The following TAF1 variants were observed in gnomAD, a reference collection of about 807,000 sequenced individuals.
The protein encoded by TAF1 is TATA-box binding protein associated factor 1.
A neutral mutation model predicts 138.5 loss-of-function variants in TAF1; 2 were observed. The ratio of observed to expected loss-of-function variants is 0.01; its 90% CI spans 0.01 to 0.05. TAF1 has a LOEUF of 0.05. Ranked by LOEUF, TAF1 falls within the 10% of genes least tolerant of loss-of-function variation. The pLI is 1.00. For missense variants in TAF1, 709 were observed against 1,478.0 expected, an observed-to-expected ratio of 0.48 and a Z score of 8.53; for synonymous variants, 437 against 503.2, an observed-to-expected ratio of 0.87 and a Z score of 1.76.
chrX:71,378,083 G>A, intron 6 of TAF1, 152 bp from the exon 7 acceptor site: 1 of 619,385 alleles, frequency 1.6e-6, no homozygotes, highest in South Asian at 3.0e-5. Flanking sequence ...TAGGTGGAAT[G>A]TGCTATGATA....
At chrX:71,410,605 C>T (rs1329419575) in intron 28 of TAF1, among the ~76,000 whole-genome samples, 1 of 108,414 alleles carries the variant, frequency 9.2e-6, no homozygotes, top group Admixed American at 9.9e-5. Context: ...CTACAGGCGC[C>T]AGCCACCACG....
intron 34 of TAF1, among the ~76,000 whole-genome samples, chrX:71,456,641 T>C (rs2038293044): frequency 1.1e-5 from 1 of 89,390 alleles, no homozygotes; most frequent in Non-Finnish European, 2.2e-5. Context: ...TGGTCAATAA[T>C]GTATTTTCTT....
intron 29 of TAF1, among the ~76,000 whole-genome samples, chrX:71,422,747 TA>T (rs1025930254): frequency 5.4e-5 from 6 of 111,362 alleles, no homozygotes; most frequent in Non-Finnish European, 1.1e-4. Flanking sequence ...TTTATTTATT[TA>T]TTTTTTTTGA....
At chrX:71,460,527 GATGTGT>G in intron 36 of TAF1, 93 bp from the exon 37 acceptor site, 1 of 984,362 alleles carries the variant, frequency 1.0e-6, no homozygotes, top group Non-Finnish European at 1.4e-6. Flanking sequence ...TACCTGTGTA[GATGTGT>G]GAGAGTTACT....
At chrX:71,399,916 G>C (rs2035083350) in intron 24 of TAF1, among the ~76,000 whole-genome samples, 1 of 106,926 alleles carries the variant, frequency 9.4e-6, no homozygotes, top group Non-Finnish European at 1.9e-5. Flanking sequence ...ATTTTTAGTA[G>C]AGATGGGGTT....
chrX:71,509,148 A>G (rs1602883671), intron 13 of TAF1, among the ~76,000 whole-genome samples: 1 of 111,450 alleles, frequency 9.0e-6, no homozygotes, highest in African/African-American at 3.3e-5. Context: ...CAAACTAGGA[A>G]GTGGCAAGTC....
At chrX:71,518,757 G>A (rs1242624155) in intron 13 of TAF1, among the ~76,000 whole-genome samples, 14 of 94,859 alleles carry the variant, frequency 1.5e-4, no homozygotes, top group East Asian at 6.7e-4. Context: ...GTGCAGTGGC[G>A]CAATCTCGGC....
intron 5 of TAF1, 74 bp downstream of exon 5, chrX:71,377,265 C>T: frequency 1.7e-6 from 2 of 1,176,575 alleles, no homozygotes; most frequent in Non-Finnish European, 2.3e-6. Context: ...TGTTAAGATG[C>T]TGAGTATGGA....
chrX:71,424,458 A>G (rs1225959172), intron 32 of TAF1, among the ~76,000 whole-genome samples: 15 of 36,142 alleles, frequency 4.2e-4, no homozygotes, highest in African/African-American at 1.8e-3. Context: ...ACAGGGTTTT[A>G]CTATTTTGCC....
chrX:71,369,684 C>A (rs751491134), intron 3 of TAF1, among the ~76,000 whole-genome samples: 1 of 105,947 alleles, frequency 9.4e-6, no homozygotes, highest in Non-Finnish European at 1.9e-5. Flanking sequence ...TGGCTCACTG[C>A]AAGCTCTGCC....
chrX:71,398,995 A>G (rs1339098069), intron 24 of TAF1, among the ~76,000 whole-genome samples: 3 of 111,271 alleles, frequency 2.7e-5, no homozygotes, highest in African/African-American at 9.8e-5. Context: ...GCTGGAGTGC[A>G]CTGGCATGAT....
chrX:71,499,983 T>A (rs2039467851), intron 13 of TAF1, among the ~76,000 whole-genome samples: 1 of 111,463 alleles, frequency 9.0e-6, no homozygotes, highest in African/African-American at 3.3e-5. Context: ...AGGGGATATG[T>A]ACCCGGGTTG....
chrX:71,435,039 CTGAGCTAGTCA>C (rs1471461939), intron 32 of TAF1, among the ~76,000 whole-genome samples: 1 of 112,440 alleles, frequency 8.9e-6, no homozygotes, highest in African/African-American at 3.2e-5. Flanking sequence ...ATAGGTGATG[CTGAGCTAGTCA>C]TGATGAGATT....
chrX:71,378,811 C>T lies in TAF1; in HGVS notation c.1153-13C>T, dbSNP rs1295565768. On this transcript the variant is annotated splice_polypyrimidine_tract_variant and intron_variant, in intron 7 of 37. Coordinates refer to ENST00000423759, the MANE Select transcript of TAF1 (RefSeq NM_004606.5). ...CCAATCAAGGATGTGTTTTTTCTTCCCTACTTACACAGGAATTTAGGAAAC... is the reference window on the plus strand; with the variant it reads ...CCAATCAAGGATGTGTTTTTTCTTCTCTACTTACACAGGAATTTAGGAAAC... 3 of 1,206,983 alleles carry T rather than the reference C, an allele frequency of 2.5e-6. No homozygotes were observed. Among genetic ancestry groups the T allele is most frequent in the Non-Finnish European group, 3.4e-6 (3 of 892,673 alleles).
intron 13 of TAF1, among the ~76,000 whole-genome samples, chrX:71,503,324 G>GTGTATATATATATATA (rs2039555518): frequency 2.2e-5 from 2 of 92,774 alleles, no homozygotes; most frequent in African/African-American, 8.9e-5. Flanking sequence ...ATATATATGT[G>GTGTATATATATATATA]TGTGTATATA....
At position 71,375,153 on chromosome X, in the gene TAF1, C is replaced by A. The variant is rs1442754308; in HGVS notation, c.353-14C>A. On this transcript the variant is annotated splice_polypyrimidine_tract_variant and intron_variant, in intron 3 of 37. Transcript: ENST00000423759. The stretch of plus-strand genomic sequence containing the variant: ...TTTTGGATATTGAGGAGATCACCTT[C>A]TTGGTTTTATTAGATTATGATGAAG... 1 of 1,205,542 alleles carries A rather than the reference C, an allele frequency of 8.3e-7. No individual in the cohort carries two copies. Among genetic ancestry groups the A allele is most frequent in the Non-Finnish European group, 1.1e-6 (1 of 893,101 alleles).
At chrX:71,418,476 A>G (rs2036146507) in intron 28 of TAF1, among the ~76,000 whole-genome samples, 1 of 112,827 alleles carries the variant, frequency 8.9e-6, no homozygotes, top group Admixed American at 9.4e-5. Context: ...GTACACAGTC[A>G]TTAAACATTT....
chrX:71,407,747 G>T (rs2035549748), intron 27 of TAF1, 75 bp downstream of exon 27: 3 of 1,050,149 alleles, frequency 2.9e-6, no homozygotes, highest in Non-Finnish European at 4.0e-6. Context: ...CCAATAGAGG[G>T]CAGTAATCTG....
intron 23 of TAF1, among the ~76,000 whole-genome samples, 174 bp from the exon 24 acceptor site, chrX:71,398,398 C>T (rs143679400): frequency 0.01 from 1,167 of 111,306 alleles, 14 homozygotes; most frequent in Non-Finnish European, 0.016. Flanking sequence ...AGAGAGTTAC[C>T]TCTGCAAATG....
Sources: gnomAD v4.1 joint callset for allele counts (sites outside exome capture counted in the v4.1 genomes callset) on GRCh38, gnomAD v4.1.1 for gene constraint, MANE v1.5 for transcripts, NCBI Gene and HGNC (gene_info 2026-07-23, HGNC 2026-07-21) for gene names.